CSRNP3: variants seen among roughly 807,000 people sequenced by gnomAD.
The protein encoded by CSRNP3 is cysteine/serine-rich nuclear protein 3.
A neutral mutation model predicts 48.0 loss-of-function variants in CSRNP3; 12 were observed. The observed-to-expected ratio is 0.25, with a 90% CI of 0.16 to 0.41. The LOEUF (loss-of-function observed/expected upper bound fraction) is 0.41. Ranked by LOEUF, CSRNP3 falls within the 10% of genes least tolerant of loss-of-function variation. CSRNP3 has a pLI of 1.00. For missense variants in CSRNP3, 580 were observed against 724.4 expected (o/e 0.80, Z 2.29); for synonymous variants, 263 against 269.7 (o/e 0.98, Z 0.24).
At chr2:165,597,862 A>AGTATGAAATCACAGAGATTTCATCC (rs1685838317) in intron 4 of CSRNP3, among the ~76,000 whole-genome samples, 1 of 152,170 alleles carries the variant, frequency 6.6e-6, no homozygotes, top group African/African-American at 2.4e-5. Flanking sequence ...AGATTTCATT[A>AGTATGAAATCACAGAGATTTCATCC]GTATGAAATC....
chr2:165,640,362 A>G (rs560544028), intron 4 of CSRNP3, among the ~76,000 whole-genome samples: 4 of 152,292 alleles, frequency 2.6e-5, no homozygotes, highest in African/African-American at 9.6e-5. Flanking sequence ...GCAGGATATG[A>G]ACTAAGTGCT....
chr2:165,569,070 G>A (rs765717406), intron 3 of CSRNP3, among the ~76,000 whole-genome samples: 11 of 152,124 alleles, frequency 7.2e-5, no homozygotes, highest in Non-Finnish European at 1.3e-4. Context: ...CTTGAGAACA[G>A]TGTATATTTC....
chr2:165,630,101 A>G (rs141247066), intron 4 of CSRNP3, among the ~76,000 whole-genome samples: 4 of 152,334 alleles, frequency 2.6e-5, no homozygotes, highest in South Asian at 4.1e-4. Context: ...CTGTACGTAG[A>G]CTAAAATAAA....
chr2:165,600,764 G>T (rs985083232), intron 4 of CSRNP3, among the ~76,000 whole-genome samples: 1 of 152,138 alleles, frequency 6.6e-6, no homozygotes, highest in Non-Finnish European at 1.5e-5. Flanking sequence ...GTCCTTCAGT[G>T]TGGTTGCCCT....
At chr2:165,569,161 A>G (rs1398063627) in intron 3 of CSRNP3, among the ~76,000 whole-genome samples, 1 of 152,154 alleles carries the variant, frequency 6.6e-6, no homozygotes, top group East Asian at 1.9e-4. Context: ...GAATTGAATT[A>G]GTCCTGGATT....
At chr2:165,638,061 C>A (rs1429171667) in intron 4 of CSRNP3, among the ~76,000 whole-genome samples, 2 of 151,986 alleles carry the variant, frequency 1.3e-5, no homozygotes, top group Non-Finnish European at 2.9e-5. Context: ...ATATATAGTA[C>A]AAAAGACAGT....
At chr2:165,525,804 G>A (rs1402781748) in intron 3 of CSRNP3, among the ~76,000 whole-genome samples, 1 of 151,902 alleles carries the variant, frequency 6.6e-6, no homozygotes, top group African/African-American at 2.4e-5. Flanking sequence ...ATATCTAAGA[G>A]GTCTTTGCTT....
chr2:165,668,697 G>A (rs184353941), intron 5 of CSRNP3, among the ~76,000 whole-genome samples: 1 of 152,228 alleles, frequency 6.6e-6, no homozygotes, highest in East Asian at 1.9e-4. Flanking sequence ...ACCACGCCCA[G>A]CCCATATCCT....
At position 165,683,474 on chromosome 2, in the gene CSRNP3, A is replaced by G. The variant is rs1234627625; in HGVS notation, c.*3721A>G. 6.6e-6 allele frequency: 1 copy of G among 152,080 alleles called. No homozygotes were observed. Among genetic ancestry groups the G allele is most frequent in the Non-Finnish European group, 1.5e-5 (1 of 67,978 alleles). 9.4% of individuals were successfully genotyped at this position (152,080 alleles called of 1,614,324 possible). ...TTAAAATTTTACATTCTAATAGATG[A>G]CTTCTAGGCAAAATTTTGGTATGAT... On this transcript the variant is annotated 3_prime_UTR_variant, in exon 7 of 7. Coordinates refer to ENST00000651982, the MANE Select transcript of CSRNP3 (RefSeq NM_001172173.2).
At chr2:165,495,253 T>G (rs1488901974) in intron 2 of CSRNP3, among the ~76,000 whole-genome samples, 1 of 152,060 alleles carries the variant, frequency 6.6e-6, no homozygotes. Flanking sequence ...TTTGAACGTC[T>G]ATAGATTGGT....
intron 4 of CSRNP3, among the ~76,000 whole-genome samples, chr2:165,656,507 A>G (rs2054025): frequency 0.38 from 57,434 of 152,068 alleles, 11,069 homozygotes; most frequent in Admixed American, 0.4. Flanking sequence ...AAAGCATCAC[A>G]CTGGGCATCA....
At chr2:165,513,651 T>C (rs1322440062) in intron 2 of CSRNP3, among the ~76,000 whole-genome samples, 2 of 152,226 alleles carry the variant, frequency 1.3e-5, no homozygotes, top group African/African-American at 4.8e-5. Flanking sequence ...GTGATCTCAG[T>C]GCTGGCTGGC....
In CSRNP3 at chr2:165,686,358, T is replaced by G. The variant is rs1687630715; in HGVS notation, c.*6605T>G. 1 of 152,048 alleles carries G rather than the reference T, an allele frequency of 6.6e-6. No individual in the cohort carries two copies. The highest frequency in any genetic ancestry group is 2.4e-5 in the African/African-American group (1 of 41,410). 9.4% of individuals were successfully genotyped at this position (152,048 alleles called of 1,614,324 possible). ...CTATGGAAAAGGAGTTTGAAATTTCTACCTTTGTAGTACATTGTATCCAAT... is the reference window on the plus strand; with the variant it reads ...CTATGGAAAAGGAGTTTGAAATTTCGACCTTTGTAGTACATTGTATCCAAT... On this transcript the variant is annotated 3_prime_UTR_variant, in exon 7 of 7. Transcript: ENST00000651982.
chr2:165,578,405 C>T (rs962599631), intron 3 of CSRNP3, among the ~76,000 whole-genome samples: 9 of 152,036 alleles, frequency 5.9e-5, no homozygotes, highest in African/African-American at 1.9e-4. Flanking sequence ...TCGTCAACCA[C>T]CATTTCTTTG....
chr2:165,490,168 A>C (rs1684183375), intron 1 of CSRNP3, among the ~76,000 whole-genome samples: 1 of 149,266 alleles, frequency 6.7e-6, no homozygotes, highest in Non-Finnish European at 1.5e-5. Context: ...ACAAACAGAG[A>C]GCCAAATCAT....
intron 4 of CSRNP3, among the ~76,000 whole-genome samples, chr2:165,635,570 G>A (rs1330432593): frequency 6.6e-6 from 1 of 152,114 alleles, no homozygotes; most frequent in Non-Finnish European, 1.5e-5. Flanking sequence ...GTTATCATAG[G>A]ATGTTCATGC....
intron 1 of CSRNP3, among the ~76,000 whole-genome samples, chr2:165,477,366 C>A (rs1683975205): frequency 1.3e-5 from 2 of 150,494 alleles, no homozygotes; most frequent in Admixed American, 1.3e-4. Context: ...TGCCTGTAAT[C>A]CCAGCACTTT....
At chr2:165,581,795 C>G (rs1413374357) in intron 3 of CSRNP3, among the ~76,000 whole-genome samples, 2 of 152,136 alleles carry the variant, frequency 1.3e-5, no homozygotes, top group Non-Finnish European at 2.9e-5. Flanking sequence ...CCTCTGCCTC[C>G]CAAAGTGCTA....
At chr2:165,621,065 C>A (rs1452283419) in intron 4 of CSRNP3, among the ~76,000 whole-genome samples, 4 of 151,996 alleles carry the variant, frequency 2.6e-5, no homozygotes, top group African/African-American at 4.8e-5. Context: ...TATTTAATTT[C>A]TTTCCTGATT....
Sources: allele counts gnomAD v4.1 joint callset (sites outside exome capture counted in the v4.1 genomes callset), GRCh38; gene constraint gnomAD v4.1.1; transcripts MANE v1.5; gene names NCBI Gene and HGNC (gene_info 2026-07-23, HGNC 2026-07-21).